The following AFF1 variants were observed in gnomAD, a reference collection of about 807,000 sequenced individuals.
AFF1 encodes AF4/FMR2 family member 1.
In AFF1, 48 loss-of-function variants were observed where a neutral mutation model predicts 121.7. The ratio of observed to expected loss-of-function variants is 0.39; its 90% CI spans 0.31 to 0.50. The LOEUF (loss-of-function observed/expected upper bound fraction) is 0.50. Among genes scored for constraint, AFF1 ranks in the 20% least tolerant of loss-of-function variants. AFF1 has a pLI of 0.76. For missense variants in AFF1, 1,523 were observed against 1,511.7 expected (o/e 1.01, Z -0.12); for synonymous variants, 613 against 563.0 (o/e 1.09, Z -1.26).
chr4:87,045,330 C>T (rs1031992218), intron 2 of AFF1, among the ~76,000 whole-genome samples: 4 of 152,004 alleles, frequency 2.6e-5, no homozygotes, highest in South Asian at 2.1e-4. Context: ...TCATACATTG[C>T]GTGTGAGGGC....
chr4:87,035,581 C>T (rs1426821832), intron 2 of AFF1, among the ~76,000 whole-genome samples: 3 of 151,096 alleles, frequency 2.0e-5, no homozygotes, highest in East Asian at 3.9e-4. Flanking sequence ...AAAAAATACT[C>T]AGGAGCTTTA....
Position 87,115,299 on chromosome 4 carries a change from G to A in AFF1, c.2466G>A (p.Lys822=). 6.3e-7 allele frequency: 1 copy of A among 1,585,730 alleles called. No homozygotes were observed. Among genetic ancestry groups the A allele is most frequent in the South Asian group, 1.1e-5 (1 of 88,200 alleles). The part of the protein sequence containing the change: ...DSSSKLAKKR[K]GEAERDCDNK... ...CAAGCAAGTTGGCCAAAAAGAGAAA[G>A]GTGAGTGTGGGGAGACTGCCCTGAC... Residue 822 remains lysine (K), a splice_region_variant and synonymous_variant, in exon 12 of 21, where the codon AAG becomes AAA. Transcript: ENST00000395146.
intron 2 of AFF1, among the ~76,000 whole-genome samples, chr4:86,987,221 A>G (rs762383924): frequency 6.6e-6 from 1 of 152,164 alleles, no homozygotes; most frequent in Admixed American, 6.5e-5. Context: ...CTGTTATATA[A>G]TAGCCACTCC....
chr4:87,094,863 G>A, intron 7 of AFF1, 52 bp from the exon 8 acceptor site: 1 of 1,572,662 alleles, frequency 6.4e-7, no homozygotes, highest in Non-Finnish European at 8.7e-7. Context: ...CACAACTAAG[G>A]ATCTTGTAAA....
At chr4:87,022,547 T>TAG (rs1728022516) in intron 2 of AFF1, among the ~76,000 whole-genome samples, 3 of 35,258 alleles carry the variant, frequency 8.5e-5, no homozygotes, top group East Asian at 1.2e-3. Context: ...CTTACAGATA[T>TAG]ATATATATAT....
rs73837803 is a variant in AFF1, at chr4:87,113,210, G to A, written c.1534-1157G>A. On this transcript the variant is annotated intron_variant, in intron 11 of 20. Coordinates refer to ENST00000395146, the MANE Select transcript of AFF1 (RefSeq NM_001166693.3). ...ATTGTACATTCTCATTGCCCCTGAC[G>A]GTATGCCTCCCTTTGTATCTTAGAA... Among the ~76,000 whole-genome samples, 524 of 152,208 alleles carry A rather than the reference G, an allele frequency of 3.4e-3. 2 individuals carry two copies. The highest frequency in any genetic ancestry group is 0.012 in the African/African-American group (509 of 41,512).
intron 20 of AFF1, 109 bp from the exon 21 acceptor site, chr4:87,135,471 G>C (rs1229706670): frequency 1.7e-6 from 2 of 1,159,524 alleles, no homozygotes; most frequent in African/African-American, 1.6e-5. Flanking sequence ...ATTAAGTGCA[G>C]AATATTGTGG....
At position 87,135,829 on chromosome 4, in the gene AFF1, C is replaced by A; in HGVS notation, c.*128C>A. On this transcript the variant is annotated 3_prime_UTR_variant, in exon 21 of 21. Coordinates refer to ENST00000395146, the MANE Select transcript of AFF1 (RefSeq NM_001166693.3). ...AAGAAGCACCACGAGATGGCCAGGA[C>A]ATTTGTCCACTTAAACTCTCAACAA... is the stretch of plus-strand genomic sequence containing the variant. 7.5e-7 allele frequency: 1 copy of A among 1,328,784 alleles called. No homozygotes were observed. Among genetic ancestry groups the A allele is most frequent in the Non-Finnish European group, 9.9e-7 (1 of 1,005,330 alleles). The allele number at this position is 1,328,784 out of a possible 1,614,324, so 82.3% of individuals were successfully genotyped here. A position where few individuals can be genotyped will look rare whatever the true frequency, so the allele number is the denominator to read the frequency against.
At chr4:87,009,988 T>C (rs936351629) in intron 2 of AFF1, among the ~76,000 whole-genome samples, 4 of 152,368 alleles carry the variant, frequency 2.6e-5, no homozygotes, top group East Asian at 3.9e-4. Flanking sequence ...TGATTTGTTA[T>C]TGATGGGTGA....
At chr4:87,057,191 G>A (rs546521443) in intron 4 of AFF1, among the ~76,000 whole-genome samples, 114 of 152,298 alleles carry the variant, frequency 7.5e-4, no homozygotes, top group African/African-American at 2.6e-3. Flanking sequence ...GACACGGAGG[G>A]AAATCTAGTG....
intron 2 of AFF1, among the ~76,000 whole-genome samples, chr4:86,964,699 GC>G (rs1722411981): frequency 6.6e-6 from 1 of 152,198 alleles, no homozygotes; most frequent in South Asian, 2.1e-4. Flanking sequence ...CTCCCAAAGT[GC>G]TGGGATTACA....
At chr4:87,127,316 A>G (rs1403684535) in intron 15 of AFF1, among the ~76,000 whole-genome samples, 199 bp downstream of exon 15, 1 of 152,060 alleles carries the variant, frequency 6.6e-6, no homozygotes, top group Non-Finnish European at 1.5e-5. Flanking sequence ...ATGAGCCATC[A>G]TGCCTGGCTA....
At chr4:86,988,329 G>A (rs908462657) in intron 2 of AFF1, among the ~76,000 whole-genome samples, 3 of 151,640 alleles carry the variant, frequency 2.0e-5, no homozygotes, top group Admixed American at 6.6e-5. Flanking sequence ...TCCATACCCC[G>A]CCTCCCAGCC....
chr4:87,077,821 G>C lies in AFF1; in HGVS notation c.1060-6299G>C, dbSNP rs1722823010. On this transcript the variant is annotated intron_variant, in intron 4 of 20. Coordinates refer to ENST00000395146, the MANE Select transcript of AFF1 (RefSeq NM_001166693.3). ...TGCAAAAAGAGCATCCTTATTCTTT[G>C]TTGTAGTTGCGTAGCATTTATTTCT... is the stretch of plus-strand genomic sequence containing the variant. 2.6e-5 allele frequency among the ~76,000 whole-genome samples: 4 copies of C among 152,050 alleles called. No individual in the cohort carries two copies. The South Asian group carries it at 8.3e-4, about 32-fold the overall frequency.
At chr4:87,072,452 C>T (rs1323626763) in intron 4 of AFF1, among the ~76,000 whole-genome samples, 9 of 150,882 alleles carry the variant, frequency 6.0e-5, no homozygotes, top group Non-Finnish European at 1.0e-4. Context: ...TTATTAAATA[C>T]CTATTTAAAA....
intron 2 of AFF1, among the ~76,000 whole-genome samples, chr4:86,998,959 T>C (rs1725477055): frequency 6.6e-6 from 1 of 152,192 alleles, no homozygotes; most frequent in South Asian, 2.1e-4. Context: ...GGTGATTGGC[T>C]CATAAATTAG....
At chr4:87,037,538 C>T (rs913381167) in intron 2 of AFF1, among the ~76,000 whole-genome samples, 1 of 152,126 alleles carries the variant, frequency 6.6e-6, no homozygotes, top group African/African-American at 2.4e-5. Flanking sequence ...GTCTTGAACT[C>T]CTGACCTCAA....
rs1310243345 is a variant in AFF1 at position 87,131,228 on chromosome 4, C to G, written c.3101+9C>G. The G allele has an allele frequency of 6.2e-7, 1 of 1,613,472 alleles. No homozygotes were observed. The highest frequency in any genetic ancestry group is 1.3e-5 in the African/African-American group (1 of 74,864). ...ACTGTAGATCTCATTAAGTAAGTGCCGAGTCATTGTGCTTTCCTCTTAAGT... is the reference window on the plus strand; with the variant it reads ...ACTGTAGATCTCATTAAGTAAGTGCGGAGTCATTGTGCTTTCCTCTTAAGT... On this transcript the variant is annotated intron_variant, in intron 17 of 20. Transcript: ENST00000395146.
chr4:87,074,690 T>G (rs891755907), intron 4 of AFF1, among the ~76,000 whole-genome samples: 12 of 152,234 alleles, frequency 7.9e-5, no homozygotes, highest in African/African-American at 2.7e-4. Flanking sequence ...GTATAAAACA[T>G]CAACACTGAA....
Sources: allele counts gnomAD v4.1 joint callset (sites outside exome capture counted in the v4.1 genomes callset), GRCh38; gene constraint gnomAD v4.1.1; transcripts MANE v1.5; gene names NCBI Gene and HGNC (gene_info 2026-07-23, HGNC 2026-07-21).